The following PBRM1 variants were observed in gnomAD, a reference collection of about 807,000 sequenced individuals.
PBRM1 encodes the protein protein polybromo-1.
Under a neutral mutation model 194.5 loss-of-function variants are expected in PBRM1, and 27 were observed. The ratio of observed to expected loss-of-function variants is 0.14; its 90% CI spans 0.10 to 0.19. The LOEUF (loss-of-function observed/expected upper bound fraction) is 0.19. Ranked by LOEUF, PBRM1 falls within the 10% of genes least tolerant of loss-of-function variation. The pLI, the probability that PBRM1 is intolerant of heterozygous loss-of-function variation, is 1.00. For synonymous variants in PBRM1, 655 were observed against 693.2 expected (o/e 0.94, Z 0.87); for missense variants, 1,466 against 2,077.2 (o/e 0.71, Z 5.72).
chr3:52,610,984 T>C (rs2153434631), intron 15 of PBRM1, among the ~76,000 whole-genome samples: 1 of 152,262 alleles, frequency 6.6e-6, no homozygotes, highest in African/African-American at 2.4e-5. Context: ...TGAACCAGCC[T>C]GAGTATCAAT....
At chr3:52,548,288 T>G in intron 29 of PBRM1, 53 bp from the exon 32 acceptor site, 1 of 1,403,564 alleles carries the variant, frequency 7.1e-7, no homozygotes, top group Non-Finnish European at 9.7e-7. Context: ...TTGGCAAAAT[T>G]TCCCTCAGTT....
In PBRM1 at chr3:52,668,436, GA is replaced by G. The variant is rs2096882968; in HGVS notation, c.384+61del. ...CACCTGCCAGGTTTATAAATATTAA[GA>G]AGCCAATTATCAAATTGGTATCTTC... On this transcript the variant is annotated intron_variant, in intron 3 of 29. Transcript: ENST00000296302. 3 of 1,224,822 alleles carry G rather than the reference GA, an allele frequency of 2.4e-6. No individual in the cohort carries two copies. In the East Asian group the frequency reaches 8.1e-5, roughly 33 times the overall value. 75.9% of individuals were successfully genotyped at this position (1,224,822 alleles called of 1,614,324 possible). A position where few individuals can be genotyped will look rare whatever the true frequency, so the allele number is the denominator to read the frequency against.
At chr3:52,678,960 TCA>T (rs1400485552) in intron 1 of PBRM1, among the ~76,000 whole-genome samples, 1 of 152,206 alleles carries the variant, frequency 6.6e-6, no homozygotes, top group Non-Finnish European at 1.5e-5. Flanking sequence ...GTTTATCACT[TCA>T]CAGAGAATAA....
rs749150564 is a variant in PBRM1, at chr3:52,658,175, C to T, written c.645+24G>A. On this transcript the variant is annotated intron_variant, in intron 5 of 29. Coordinates refer to ENST00000296302, the Ensembl canonical transcript of PBRM1. ...ACTAAAAACAAAACACTGACATGTACCTGTTTTTAACTGCATCACTTACCA... is the reference window on the plus strand; with the variant it reads ...ACTAAAAACAAAACACTGACATGTATCTGTTTTTAACTGCATCACTTACCA... 6 of 1,021,468 alleles carry T rather than the reference C, an allele frequency of 5.9e-6. 1 individual carries two copies. The highest frequency in any genetic ancestry group is 5.1e-5 in the South Asian group (4 of 78,716). 63.3% of individuals were successfully genotyped at this position (1,021,468 alleles called of 1,614,324 possible).
At chr3:52,578,899 G>C in intron 21 of PBRM1, 155 bp downstream of exon 23, 2 of 738,980 alleles carry the variant, frequency 2.7e-6, no homozygotes, top group South Asian at 2.9e-5. Context: ...GATAATTTAA[G>C]GAAGAAAGTG....
At chr3:52,683,256 C>T (rs1023023331), upstream of PBRM1, among the ~76,000 whole-genome samples, 3 of 151,564 alleles carry the variant, frequency 2.0e-5, no homozygotes, top group African/African-American at 7.3e-5. Context: ...TGCCTGTAAA[C>T]CCAGTTACTT....
intron 22 of PBRM1, among the ~76,000 whole-genome samples, chr3:52,570,827 A>G (rs182609839): frequency 6.6e-4 from 100 of 151,262 alleles, no homozygotes; most frequent in African/African-American, 2.2e-3. Context: ...ATTTTCTTAT[A>G]GTTGTGTGTG....
At chr3:52,589,391 G>A in intron 17 of PBRM1, 136 bp from the exon 20 acceptor site, 1 of 500,582 alleles carries the variant, frequency 2.0e-6, no homozygotes, top group Non-Finnish European at 3.4e-6. Context: ...GCGAAGGCAG[G>A]AATCAGCAAT....
At chr3:52,569,373 GCTAA>G (rs2086330111) in intron 22 of PBRM1, among the ~76,000 whole-genome samples, 1 of 152,034 alleles carries the variant, frequency 6.6e-6, no homozygotes, top group Non-Finnish European at 1.5e-5. Context: ...GCCATGCTCG[GCTAA>G]CTTTTTGTAT....
chr3:52,680,480 G>A (rs535413556), upstream of PBRM1, among the ~76,000 whole-genome samples: 8 of 152,074 alleles, frequency 5.3e-5, no homozygotes, highest in South Asian at 2.1e-4. Flanking sequence ...ACTATAACAC[G>A]TACTCTATTT....
chr3:52,572,939 G>T (rs1441784967), intron 22 of PBRM1, among the ~76,000 whole-genome samples: 1 of 152,136 alleles, frequency 6.6e-6, no homozygotes, highest in South Asian at 2.1e-4. Flanking sequence ...TTGGAGGCTG[G>T]GGACAGTGAA....
At chr3:52,645,326 C>G (rs1168694662) in intron 7 of PBRM1, among the ~76,000 whole-genome samples, 1 of 148,550 alleles carries the variant, frequency 6.7e-6, no homozygotes, top group Non-Finnish European at 1.5e-5. Flanking sequence ...TTTTTTCTTT[C>G]TTTCTTTTTT....
At chr3:52,614,373 CAAAAAAAAAAAAAA>C (rs1165930996) in intron 15 of PBRM1, among the ~76,000 whole-genome samples, 1 of 40,920 alleles carries the variant, frequency 2.4e-5, no homozygotes, top group Non-Finnish European at 4.2e-5. Flanking sequence ...GATGCTTCAT[CAAAAAAAAAAAAAA>C]AAAAAAAAAA....
intron 13 of PBRM1, 51 bp from the exon 16 acceptor site, chr3:52,617,589 C>G (rs2095030334): frequency 7.3e-7 from 1 of 1,373,130 alleles, no homozygotes; most frequent in Admixed American, 2.1e-5. Flanking sequence ...GTTCAGTTTT[C>G]TTAATATACG....
At chr3:52,608,505 T>C (rs889607499) in intron 16 of PBRM1, among the ~76,000 whole-genome samples, 4 of 152,230 alleles carry the variant, frequency 2.6e-5, no homozygotes, top group African/African-American at 9.6e-5. Flanking sequence ...CAAACATTAC[T>C]ACTTGCTTTT....
Position 52,613,144 on chromosome 3 carries a change from TCAAAGA to T in PBRM1, c.1924+2201_1924+2206del, listed in dbSNP as rs545242514. 1.0e-3 allele frequency among the ~76,000 whole-genome samples: 159 copies of T among 152,268 alleles called. 1 individual carries two copies. In the South Asian group the frequency reaches 0.012, roughly 11 times the overall value. ...TATTTTATTTTTATTTGTTTTATCC[TCAAAGA>T]CAAAGTGGCAGATATCTGCACATAT... On this transcript the variant is annotated intron_variant, in intron 15 of 29. Coordinates refer to ENST00000296302, the Ensembl canonical transcript of PBRM1.
At chr3:52,645,349 G>A (rs766464019) in intron 7 of PBRM1, among the ~76,000 whole-genome samples, 61 of 148,610 alleles carry the variant, frequency 4.1e-4, no homozygotes, top group Admixed American at 1.2e-3. Context: ...TTTTGGTGGA[G>A]ACAGAGTCTT....
exon 2 of PBRM1, chr3:52,678,508 T>C: frequency 6.2e-7 from 1 of 1,608,950 alleles, no homozygotes; most frequent in Non-Finnish European, 8.5e-7. Flanking sequence ...ACCTTCGCTT[T>C]GGTGCCCTAA....
intron 20 of PBRM1, 40 bp downstream of exon 22, chr3:52,586,385 G>GAGAT: frequency 6.5e-7 from 1 of 1,541,300 alleles, no homozygotes; most frequent in African/African-American, 1.4e-5. Context: ...TAGGTGTTTT[G>GAGAT]AGATGTAAAA....
Sources: allele counts gnomAD v4.1 joint callset (sites outside exome capture counted in the v4.1 genomes callset), GRCh38; gene constraint gnomAD v4.1.1; transcripts MANE v1.5; gene names NCBI Gene and HGNC (gene_info 2026-07-23, HGNC 2026-07-21).